Variants in RANBP2 observed in about 807,000 individuals in gnomAD.
RANBP2 encodes RAN binding protein 2.
A neutral mutation model predicts 303.6 loss-of-function variants in RANBP2; 57 were observed. The ratio of observed to expected loss-of-function variants is 0.19; its 90% CI spans 0.15 to 0.23. The LOEUF (loss-of-function observed/expected upper bound fraction) is 0.23. RANBP2 is among the 10% of genes least tolerant of loss of function. The probability of loss-of-function intolerance (pLI) is 1.00; values close to 1 mark genes in which losing one functional copy is unlikely to be tolerated. For missense variants in RANBP2, 3,138 were observed against 3,780.8 expected, an observed-to-expected ratio of 0.83 and a Z score of 4.46; for synonymous variants, 1,167 against 1,301.5, an observed-to-expected ratio of 0.90 and a Z score of 2.23.
At chr2:109,718,551 G>A in the RANBP2 span, among the ~76,000 whole-genome samples, 1 of 152,206 alleles carries the variant, frequency 6.6e-6, no homozygotes. Context: ...TCAGGGTTGG[G>A]AATGGGAGGT....
chr2:109,637,704 G>A, the RANBP2 span, among the ~76,000 whole-genome samples: 2 of 151,636 alleles, frequency 1.3e-5, no homozygotes, highest in African/African-American at 4.8e-5. Context: ...CCAGGTTGGG[G>A]CAAAGTGGCT....
chr2:109,442,919 A>G, the RANBP2 span, among the ~76,000 whole-genome samples: 15 of 152,362 alleles, frequency 9.8e-5, no homozygotes, highest in African/African-American at 3.4e-4. Context: ...ATTGTCACAT[A>G]TTACTAAAAA....
the RANBP2 span, chr2:109,251,585 A>C: frequency 8.8e-6 from 8 of 909,304 alleles, no homozygotes; most frequent in African/African-American, 1.6e-5. Flanking sequence ...GGGCAACAGA[A>C]CAATATTGGA....
the RANBP2 span, among the ~76,000 whole-genome samples, chr2:109,187,881 C>T: frequency 1.4e-4 from 21 of 152,188 alleles, no homozygotes; most frequent in African/African-American, 1.9e-4. Context: ...TTCCTGCCGC[C>T]GTCACCGTGG....
At chr2:108,782,939 C>T (rs775165547) in intron 28 of RANBP2, 77 bp downstream of exon 28, 26 of 1,290,140 alleles carry the variant, frequency 2.0e-5, no homozygotes, top group Non-Finnish European at 2.9e-5. Flanking sequence ...GAGTGTTTTT[C>T]CTTGACCTCA....
the RANBP2 span, among the ~76,000 whole-genome samples, chr2:109,423,574 G>A: frequency 5.3e-5 from 8 of 152,184 alleles, no homozygotes; most frequent in Non-Finnish European, 7.3e-5. Flanking sequence ...CTGGATCAGC[G>A]TGAGTTCAAG....
chr2:109,469,697 A>C, the RANBP2 span, among the ~76,000 whole-genome samples: 36 of 152,356 alleles, frequency 2.4e-4, no homozygotes, highest in African/African-American at 8.7e-4. Context: ...CAACAAGCAA[A>C]TAGTAATAAG....
At chr2:109,605,069 C>G in the RANBP2 span, 1 of 152,178 alleles carries the variant, frequency 6.6e-6, no homozygotes, top group Non-Finnish European at 1.5e-5. Flanking sequence ...TTATCAAAAA[C>G]AAATATACGT....
At chr2:109,520,503 G>C in the RANBP2 span, among the ~76,000 whole-genome samples, 2 of 147,454 alleles carry the variant, frequency 1.4e-5, no homozygotes, top group Middle Eastern at 7.9e-3. Flanking sequence ...AGAAGGTTGA[G>C]GCAGAAGAAT....
At chr2:108,850,918 C>T in the RANBP2 span, among the ~76,000 whole-genome samples, 9 of 152,172 alleles carry the variant, frequency 5.9e-5, no homozygotes, top group Non-Finnish European at 1.3e-4. Flanking sequence ...TGCTCCAATT[C>T]ACTTCTGACA....
chr2:109,187,983 G>C, the RANBP2 span, among the ~76,000 whole-genome samples: 1 of 152,200 alleles, frequency 6.6e-6, no homozygotes, highest in Non-Finnish European at 1.5e-5. Flanking sequence ...TGTAAGGAAG[G>C]GGGGCACAGC....
the RANBP2 span, among the ~76,000 whole-genome samples, chr2:109,306,552 G>A: frequency 6.6e-6 from 1 of 152,308 alleles, no homozygotes; most frequent in East Asian, 1.9e-4. Context: ...CTTTTTCTCT[G>A]ACCGTACAGT....
chr2:109,379,702 G>A, the RANBP2 span, among the ~76,000 whole-genome samples: 2 of 152,144 alleles, frequency 1.3e-5, no homozygotes, highest in African/African-American at 4.8e-5. Context: ...CCTTAGTGTG[G>A]ATGCCAATCC....
the RANBP2 span, among the ~76,000 whole-genome samples, chr2:109,295,753 A>T: frequency 6.6e-6 from 1 of 152,088 alleles, no homozygotes; most frequent in Non-Finnish European, 1.5e-5. Context: ...TGAATCTCCC[A>T]TGGTTGTGAG....
chr2:109,036,045 G>A, the RANBP2 span, among the ~76,000 whole-genome samples: 2 of 152,142 alleles, frequency 1.3e-5, no homozygotes, highest in East Asian at 1.9e-4. Flanking sequence ...CACTGAAAAC[G>A]CCCTTCAGGA....
chr2:108,752,814 G>T (rs1372052286), intron 12 of RANBP2, among the ~76,000 whole-genome samples, 184 bp from the exon 13 acceptor site: 1 of 151,542 alleles, frequency 6.6e-6, no homozygotes, highest in East Asian at 1.9e-4. Context: ...AAAGTTGAGT[G>T]TAGAATGATC....
the RANBP2 span, among the ~76,000 whole-genome samples, chr2:108,987,718 G>A: frequency 6.6e-6 from 1 of 152,148 alleles, no homozygotes; most frequent in Non-Finnish European, 1.5e-5. Context: ...GGAGACCCCC[G>A]GCCAATCGCC....
chr2:109,500,388 G>A, the RANBP2 span, among the ~76,000 whole-genome samples: 1 of 152,114 alleles, frequency 6.6e-6, no homozygotes, highest in African/African-American at 2.4e-5. Context: ...CACCTGCCAC[G>A]CAGCACACCC....
chr2:109,453,501 C>G, the RANBP2 span, among the ~76,000 whole-genome samples: 1 of 152,140 alleles, frequency 6.6e-6, no homozygotes, highest in African/African-American at 2.4e-5. Flanking sequence ...CTCAGGGTAC[C>G]TAAGTCCAGG....
Sources: gnomAD v4.1 joint callset for allele counts (sites outside exome capture counted in the v4.1 genomes callset) on GRCh38, gnomAD v4.1.1 for gene constraint, MANE v1.5 for transcripts, NCBI Gene and HGNC (gene_info 2026-07-23, HGNC 2026-07-21) for gene names.